The following ADGRL4 variants were observed in gnomAD, a reference collection of about 807,000 sequenced individuals.
ADGRL4 encodes the protein EGF, latrophilin and seven transmembrane domain containing 1.
A neutral mutation model predicts 74.8 loss-of-function variants in ADGRL4; 90 were observed. That is an observed-to-expected ratio of 1.20 (90% CI 1.02 to 1.43). The LOEUF (loss-of-function observed/expected upper bound fraction) is 1.43. Ranked by LOEUF, ADGRL4 falls within the 40% of genes most tolerant of loss-of-function variation. The pLI is 0.00. For missense variants in ADGRL4, 881 were observed against 814.3 expected, an observed-to-expected ratio of 1.08 and a Z score of -1.00; for synonymous variants, 311 against 279.2, an observed-to-expected ratio of 1.11 and a Z score of -1.14.
At chr1:78,946,203 T>C (rs723898) in intron 3 of ADGRL4, 71 bp downstream of exon 3, 690,878 of 1,328,314 alleles carry the variant, frequency 0.52, 181,523 homozygotes, top group Admixed American at 0.56. Context: ...TTGGTTTGAA[T>C]ATGTTTAACC....
At chr1:78,896,946 T>C (rs1267092872) in intron 12 of ADGRL4, among the ~76,000 whole-genome samples, 16 of 152,152 alleles carry the variant, frequency 1.1e-4, no homozygotes, top group African/African-American at 2.2e-4. Flanking sequence ...CATAGGGCAG[T>C]TGAATTTGGG....
chr1:78,938,275 C>A lies in ADGRL4; in HGVS notation c.401G>T (p.Arg134Ile), dbSNP rs1302369560. The A allele has an allele frequency of 6.3e-7, 1 of 1,575,908 alleles. No individual in the cohort carries two copies. Among genetic ancestry groups the A allele is most frequent in the Admixed American group, 2.0e-5 (1 of 50,390 alleles). Residue 134 changes from arginine (R) to isoleucine (I), a missense_variant, in exon 5 of 15, where the codon AGA becomes ATA. Transcript: ENST00000370742. ...CAAAGCCACAGGTTCTTTTATGGATCTGATCTGAGAAAAAATGAGTCCAGA... is the reference window on the plus strand; with the variant it reads ...CAAAGCCACAGGTTCTTTTATGGATATGATCTGAGAAAAAATGAGTCCAGA... The part of the protein sequence containing the change: ...ANINKTLTKI[R>I]SIKEPVALLQ...
chr1:78,893,264 A>T, intron 12 of ADGRL4, 75 bp from the exon 13 acceptor site: 1 of 874,070 alleles, frequency 1.1e-6, no homozygotes, highest in Non-Finnish European at 1.8e-6. Context: ...AATAAATGGT[A>T]AAGATTTCAA....
intron 2 of ADGRL4, among the ~76,000 whole-genome samples, chr1:78,961,956 C>T (rs1043635636): frequency 2.6e-5 from 4 of 151,766 alleles, no homozygotes; most frequent in Non-Finnish European, 5.9e-5. Context: ...TCTCAGCTCA[C>T]TGCAACCCCT....
intron 4 of ADGRL4, 91 bp from the exon 5 acceptor site, chr1:78,938,370 G>T (rs1272925250): frequency 7.1e-6 from 8 of 1,124,352 alleles, no homozygotes; most frequent in South Asian, 1.9e-5. Flanking sequence ...TTACCCTGAG[G>T]TTGGTTTCCT....
chr1:78,892,728 G>C (rs1405600539), intron 13 of ADGRL4, among the ~76,000 whole-genome samples: 1 of 152,054 alleles, frequency 6.6e-6, no homozygotes, highest in African/African-American at 2.4e-5. Flanking sequence ...TTTTAAAGCG[G>C]GAGGGTGGGT....
intron 2 of ADGRL4, among the ~76,000 whole-genome samples, chr1:78,963,208 C>A (rs2100710111): frequency 6.6e-6 from 1 of 152,310 alleles, no homozygotes; most frequent in South Asian, 2.1e-4. Flanking sequence ...CTATTATTGA[C>A]AAGTTGTTTA....
chr1:78,911,592 A>G (rs1295692530), intron 12 of ADGRL4, among the ~76,000 whole-genome samples: 1 of 119,570 alleles, frequency 8.4e-6, no homozygotes, highest in Non-Finnish European at 1.7e-5. Flanking sequence ...TTATTCACTA[A>G]TATTTTAAAA....
At chr1:78,941,981 C>T (rs75080653) in intron 3 of ADGRL4, among the ~76,000 whole-genome samples, 9 of 151,770 alleles carry the variant, frequency 5.9e-5, no homozygotes, top group Non-Finnish European at 1.2e-4. Flanking sequence ...GGGTGGATCA[C>T]GAGGTCAGGA....
chr1:78,962,973 C>T (rs1305904850), intron 2 of ADGRL4, among the ~76,000 whole-genome samples: 5 of 152,114 alleles, frequency 3.3e-5, no homozygotes, highest in South Asian at 2.1e-4. Context: ...TGTATGAAAT[C>T]TTTTCATATT....
chr1:78,988,697 T>C (rs1650545121), intron 2 of ADGRL4, among the ~76,000 whole-genome samples: 1 of 151,792 alleles, frequency 6.6e-6, no homozygotes, highest in African/African-American at 2.4e-5. Flanking sequence ...GCATTGAAAA[T>C]CCTAAGTGAT....
At chr1:78,903,277 T>C (rs1180663206) in intron 12 of ADGRL4, among the ~76,000 whole-genome samples, 2 of 152,140 alleles carry the variant, frequency 1.3e-5, no homozygotes, top group Admixed American at 6.6e-5. Flanking sequence ...GTAATCCTAA[T>C]GAAATGGACA....
At chr1:78,904,501 T>C (rs1352553) in intron 12 of ADGRL4, among the ~76,000 whole-genome samples, 149,964 of 152,014 alleles carry the variant, frequency 0.99, 74,011 homozygotes, top group Middle Eastern at 1. Context: ...AGATAATTTA[T>C]ATAAAATATT....
At chr1:78,928,270 C>T (rs1649159984) in intron 7 of ADGRL4, among the ~76,000 whole-genome samples, 1 of 151,358 alleles carries the variant, frequency 6.6e-6, no homozygotes, top group Non-Finnish European at 1.5e-5. Context: ...TAAGGGGTAC[C>T]ACAAAGAATC....
At chr1:78,899,906 C>A (rs1648483368) in intron 12 of ADGRL4, among the ~76,000 whole-genome samples, 1 of 152,024 alleles carries the variant, frequency 6.6e-6, no homozygotes, top group Admixed American at 6.6e-5. Context: ...ACCTTGATTC[C>A]TGGAACCTGT....
intron 2 of ADGRL4, among the ~76,000 whole-genome samples, chr1:78,985,970 T>C (rs1047847764): frequency 1.3e-5 from 2 of 151,836 alleles, no homozygotes; most frequent in Middle Eastern, 3.4e-3. Context: ...GAGCTAAACA[T>C]TGAGTATATG....
intron 4 of ADGRL4, 141 bp from the exon 5 acceptor site, chr1:78,938,420 C>G (rs1462351103): frequency 1.9e-5 from 10 of 518,964 alleles, no homozygotes; most frequent in Non-Finnish European, 3.2e-5. Flanking sequence ...TAAACCTAAA[C>G]CATAACATGC....
At chr1:78,958,429 A>G (rs754710302) in intron 2 of ADGRL4, among the ~76,000 whole-genome samples, 6 of 152,168 alleles carry the variant, frequency 3.9e-5, no homozygotes, top group Non-Finnish European at 8.8e-5. Flanking sequence ...GGAGGTGAAG[A>G]TATCAACATT....
intron 12 of ADGRL4, among the ~76,000 whole-genome samples, chr1:78,895,315 A>G (rs757616869): frequency 4.0e-4 from 61 of 152,126 alleles, no homozygotes; most frequent in Middle Eastern, 3.4e-3. Context: ...TAAAGGGCCT[A>G]TTAAGTGTCT....
Sources: gnomAD v4.1 joint callset for allele counts (sites outside exome capture counted in the v4.1 genomes callset) on GRCh38, gnomAD v4.1.1 for gene constraint, MANE v1.5 for transcripts, NCBI Gene and HGNC (gene_info 2026-07-23, HGNC 2026-07-21) for gene names.